VWA5B1: variants seen among roughly 807,000 people sequenced by gnomAD.
The protein encoded by VWA5B1 is von Willebrand factor A domain containing 5B1.
A neutral mutation model predicts 118.2 loss-of-function variants in VWA5B1; 115 were observed. That is an observed-to-expected ratio of 0.97 (90% CI 0.84 to 1.14). The LOEUF (loss-of-function observed/expected upper bound fraction) is 1.14. VWA5B1 is among the 50% of genes most tolerant of loss of function. VWA5B1 has a pLI of 0.00. For synonymous variants in VWA5B1, 682 were observed against 658.4 expected (o/e 1.04, Z -0.55); for missense variants, 1,596 against 1,603.8 (o/e 1.00, Z 0.08).
At position 20,350,896 on chromosome 1, in the gene VWA5B1, T is replaced by C; in HGVS notation, c.2993T>C (p.Met998Thr). Residue 998 changes from methionine to threonine, a missense_variant, in exon 20 of 22, where the codon ATG becomes ACG. Transcript: ENST00000289815. ...RSLATNTLSS[M>T]KASENLFGSW... ...CTGGCTACAAATACTCTTTCTTCCA[T>C]GAAGGCCTCAGAGAATCTCTTTGGA... 1 of 1,551,978 alleles carries C rather than the reference T, an allele frequency of 6.4e-7. No homozygotes were observed. The highest frequency in any genetic ancestry group is 8.7e-7 in the Non-Finnish European group (1 of 1,147,036).
At chr1:20,322,988 C>T (rs1335491513) in intron 7 of VWA5B1, 1 of 164,926 alleles carries the variant, frequency 6.1e-6, no homozygotes, top group African/African-American at 2.4e-5. Context: ...CATTACTCAA[C>T]CAACGGGCTT....
chr1:20,322,258 G>A (rs183234314), intron 7 of VWA5B1, among the ~76,000 whole-genome samples: 2 of 152,264 alleles, frequency 1.3e-5, no homozygotes, highest in Admixed American at 1.3e-4. Context: ...ATTGAGATGG[G>A]GAAGGAACCC....
Position 20,359,158 on chromosome 1 carries a change from CAT to C in VWA5B1, c.*4896_*4897del, listed in dbSNP as rs1347621108. 5.9e-5 allele frequency among the ~76,000 whole-genome samples: 9 copies of C among 152,354 alleles called. No individual in the cohort carries two copies. The highest frequency in any genetic ancestry group is 2.2e-4 in the African/African-American group (9 of 41,582). ...CTCAATGCCGCTGACTGTGGTGACA[CAT>C]GTGGTATAGTTTCACTATCTGCCCA... On this transcript the variant is annotated 3_prime_UTR_variant, in exon 22 of 22. Coordinates refer to ENST00000289815, the MANE Select transcript of VWA5B1 (RefSeq NM_001039500.3).
intron 1 of VWA5B1, among the ~76,000 whole-genome samples, chr1:20,306,140 A>G (rs2088645505): frequency 6.6e-6 from 1 of 152,078 alleles, no homozygotes. Flanking sequence ...CTCCAAACAG[A>G]GCAGGATGAG....
In VWA5B1 at chr1:20,348,320, C is replaced by T. The variant is rs374349987; in HGVS notation, c.2840C>T (p.Pro947Leu). 23 of 1,551,488 alleles carry T rather than the reference C, an allele frequency of 1.5e-5. No homozygotes were observed. Among genetic ancestry groups the T allele is most frequent in the African/African-American group, 9.6e-5 (7 of 73,046 alleles). The change falls in exon 18 of 22, where the codon CCG becomes CTG. Residue 947 changes from proline (P) to leucine (L), a missense_variant. Transcript: ENST00000289815. ...GGCACCTCTTCTGGCTTTGGAAGGC[C>T]GCAGACGATGCTTGGAGAAGATTCG... ...WRGTSSGFGR[P>L]QTMLGEDSAP... is the part of the protein sequence containing the mutation.
At chr1:20,345,857 C>T (rs1453610632) in intron 17 of VWA5B1, among the ~76,000 whole-genome samples, 1 of 152,162 alleles carries the variant, frequency 6.6e-6, no homozygotes, top group Non-Finnish European at 1.5e-5. Context: ...ATTTCTTCAA[C>T]CGGGACAATA....
In VWA5B1 at chr1:20,336,415, CG is replaced by C. The variant is rs1570179254; in HGVS notation, c.1876del (p.Ala626HisfsTer5). The C allele has an allele frequency of 1.1e-5, 16 of 1,522,176 alleles. No individual in the cohort carries two copies. Among genetic ancestry groups the C allele is most frequent in the Non-Finnish European group, 1.8e-6 (2 of 1,131,790 alleles). The allele number at this position is 1,522,176 out of a possible 1,614,324, so 94.3% of individuals were successfully genotyped here. A position where few individuals can be genotyped will look rare whatever the true frequency, so the allele number is the denominator to read the frequency against. The stretch of plus-strand genomic sequence containing the variant: ...GAAGGTGGAGACTGTGCCAAGAACT[CG>C]GGGGCACCCTTCATCCTAGGGCAGG... ...GLEGGDCAKN[S>X]GAPFILGQAK... On this transcript the variant is annotated frameshift_variant, in exon 13 of 22. Coordinates refer to ENST00000289815, the MANE Select transcript of VWA5B1 (RefSeq NM_001039500.3). LOFTEE classifies it high-confidence loss of function.
Position 20,356,669 on chromosome 1 carries a change from C to T in VWA5B1, c.*2406C>T, listed in dbSNP as rs1256229824. On this transcript the variant is annotated 3_prime_UTR_variant, in exon 22 of 22. Coordinates refer to ENST00000289815, the MANE Select transcript of VWA5B1 (RefSeq NM_001039500.3). The stretch of plus-strand genomic sequence containing the variant: ...CTAGGAAAGTTCCTCAGACTGCTCC[C>T]GCACCGGCCACTGGAGCTCTGCAAC... 2.6e-5 allele frequency among the ~76,000 whole-genome samples: 4 copies of T among 152,350 alleles called. No homozygotes were observed. The highest frequency in any genetic ancestry group is 2.9e-5 in the Non-Finnish European group (2 of 68,030).
intron 1 of VWA5B1, among the ~76,000 whole-genome samples, chr1:20,291,692 C>T (rs2088309239): frequency 6.6e-6 from 1 of 152,134 alleles, no homozygotes; most frequent in Admixed American, 6.5e-5. Flanking sequence ...TGCTGCCCTT[C>T]GGATGCCCCG....
intron 12 of VWA5B1, among the ~76,000 whole-genome samples, chr1:20,334,622 C>T (rs2100949709): frequency 6.6e-6 from 1 of 151,552 alleles, no homozygotes; most frequent in African/African-American, 2.4e-5. Flanking sequence ...ACCAGCCTGG[C>T]CAACATGGTG....
chr1:20,354,150 G>A lies in VWA5B1; in HGVS notation c.3535G>A (p.Gly1179Ser), dbSNP rs780118887. ...GCTGGAGCAGCAGGAAGTACCCGAG[G>A]GCCGCACGCAGGGCACACTCAAGGC... is the stretch of plus-strand genomic sequence containing the variant. ...SWLEQQEVPE[G>S]RTQGTLKAAA... The change falls in exon 22 of 22, where the codon GGC becomes AGC. Residue 1179 changes from glycine (G) to serine (S), a missense_variant. Gly to Ser is a moderately conservative substitution (Grantham distance 56). Transcript: ENST00000289815. The A allele has an allele frequency of 3.6e-5, 56 of 1,551,346 alleles. 1 individual carries two copies. In the South Asian group the frequency reaches 5.6e-4, roughly 15 times the overall value.
chr1:20,304,548 T>C (rs1023663503), intron 1 of VWA5B1, among the ~76,000 whole-genome samples: 3 of 148,770 alleles, frequency 2.0e-5, no homozygotes, highest in Non-Finnish European at 4.5e-5. Context: ...TAAGGAAAAA[T>C]GGAGGTGTGT....
chr1:20,319,334 C>A, intron 6 of VWA5B1, 48 bp from the exon 7 acceptor site: 1 of 1,545,172 alleles, frequency 6.5e-7, no homozygotes, highest in Admixed American at 2.0e-5. Flanking sequence ...CAGCATCCTT[C>A]TCCTACGATA....
At position 20,352,049 on chromosome 1, in the gene VWA5B1, G is replaced by A; in HGVS notation, c.3024-6G>A. 1 of 1,549,556 alleles carries A rather than the reference G, an allele frequency of 6.5e-7. No individual in the cohort carries two copies. The highest frequency in any genetic ancestry group is 8.7e-7 in the Non-Finnish European group (1 of 1,145,972). ...TGCCCAGGGCCACCTGACTTCACCT[G>A]CACAGGCTAAATCTCAACAAGTCCA... is the stretch of plus-strand genomic sequence containing the variant. On this transcript the variant is annotated splice_polypyrimidine_tract_variant and splice_region_variant and intron_variant, in intron 20 of 21. Coordinates refer to ENST00000289815, the MANE Select transcript of VWA5B1 (RefSeq NM_001039500.3).
chr1:20,352,080 C>CT lies in VWA5B1; in HGVS notation c.3050dup (p.Thr1018AspfsTer48). ...GCTAAATCTCAACAAGTCCAGGCTACTGACGCGAGCAGCCAAGGGCTTCCT... is the reference window on the plus strand; with the variant it reads ...GCTAAATCTCAACAAGTCCAGGCTACTTGACGCGAGCAGCCAAGGGCTTCCT... On this transcript the variant is annotated frameshift_variant, in exon 21 of 22. Transcript: ENST00000289815. LOFTEE classifies it high-confidence loss of function. The CT allele has an allele frequency of 1.3e-6, 2 of 1,551,356 alleles. No individual in the cohort carries two copies. The highest frequency in any genetic ancestry group is 1.7e-6 in the Non-Finnish European group (2 of 1,146,962).
At position 20,356,761 on chromosome 1, in the gene VWA5B1, C is replaced by A. The variant is rs1249643609; in HGVS notation, c.*2498C>A. 6.6e-6 allele frequency among the ~76,000 whole-genome samples: 1 copy of A among 152,188 alleles called. No individual in the cohort carries two copies. The highest frequency in any genetic ancestry group is 1.5e-5 in the Non-Finnish European group (1 of 68,036). On this transcript the variant is annotated 3_prime_UTR_variant, in exon 22 of 22. Coordinates refer to ENST00000289815, the MANE Select transcript of VWA5B1 (RefSeq NM_001039500.3). ...GCTCCCCTGCCCAGCCCCAAAGGTG[C>A]AGAAGAACAAATCTTCATTGGTTGC... is the stretch of plus-strand genomic sequence containing the variant.
chr1:20,324,406 T>C (rs1301969628), intron 8 of VWA5B1, among the ~76,000 whole-genome samples: 1 of 152,120 alleles, frequency 6.6e-6, no homozygotes, highest in East Asian at 1.9e-4. Context: ...TGGTCTCCAT[T>C]GTGGCATTAT....
intron 13 of VWA5B1, among the ~76,000 whole-genome samples, chr1:20,337,430 A>G (rs1025587094): frequency 1.3e-5 from 2 of 151,994 alleles, no homozygotes; most frequent in African/African-American, 4.8e-5. Context: ...ACCCAGCCAC[A>G]TTGTACCTTT....
intron 17 of VWA5B1, among the ~76,000 whole-genome samples, chr1:20,345,843 T>C (rs770503590): frequency 6.6e-6 from 1 of 152,246 alleles, no homozygotes; most frequent in Non-Finnish European, 1.5e-5. Context: ...AATGATTTTA[T>C]TGTATTTCTT....
Sources: allele counts gnomAD v4.1 joint callset (sites outside exome capture counted in the v4.1 genomes callset), GRCh38; gene constraint gnomAD v4.1.1; transcripts MANE v1.5; gene names NCBI Gene and HGNC (gene_info 2026-07-23, HGNC 2026-07-21).